The following FKBP5 variants were observed in gnomAD, a reference collection of about 807,000 sequenced individuals.
FKBP5 encodes FKBP prolyl isomerase 5, also known as peptidyl-prolyl cis-trans isomerase FKBP5.
Under a neutral mutation model 50.5 loss-of-function variants are expected in FKBP5, and 23 were observed. The ratio of observed to expected loss-of-function variants is 0.46; its 90% CI spans 0.33 to 0.65. The LOEUF is 0.65. Among genes scored for constraint, FKBP5 ranks in the 30% least tolerant of loss-of-function variants. The probability of loss-of-function intolerance (pLI) is 0.02; values close to 1 mark genes in which losing one functional copy is unlikely to be tolerated. For missense variants in FKBP5, 411 were observed against 553.1 expected (o/e 0.74, Z 2.58); for synonymous variants, 176 against 190.6 (o/e 0.92, Z 0.63).
chr6:35,591,855 ACCT>A (rs1762831456), intron 6 of FKBP5, among the ~76,000 whole-genome samples: 1 of 152,294 alleles, frequency 6.6e-6, no homozygotes, highest in South Asian at 2.1e-4. Flanking sequence ...AAGTTCTGAC[ACCT>A]CCTCTAGAGA....
At chr6:35,721,582 A>G (rs1248268880) in intron 1 of FKBP5, among the ~76,000 whole-genome samples, 1 of 151,930 alleles carries the variant, frequency 6.6e-6, no homozygotes, top group Non-Finnish European at 1.5e-5. Flanking sequence ...CAGCCTCCCG[A>G]GCAGCTGGGA....
chr6:35,681,819 G>A (rs1202639872), intron 1 of FKBP5, among the ~76,000 whole-genome samples: 1 of 152,028 alleles, frequency 6.6e-6, no homozygotes, highest in Admixed American at 6.6e-5. Context: ...AAAGATATTT[G>A]ATATTTATAC....
chr6:35,625,301 T>A (rs946114867), intron 3 of FKBP5, among the ~76,000 whole-genome samples: 4 of 152,020 alleles, frequency 2.6e-5, no homozygotes, highest in Non-Finnish European at 5.9e-5. Context: ...GTCAGGCTGG[T>A]CTCAAACTCC....
intron 5 of FKBP5, among the ~76,000 whole-genome samples, chr6:35,604,579 C>A (rs545279932): frequency 1.2e-4 from 18 of 151,622 alleles, no homozygotes; most frequent in Middle Eastern, 3.4e-3. Context: ...TCCATCAGAT[C>A]TCAATATGGG....
At chr6:35,636,037 T>C (rs554678771) in intron 3 of FKBP5, among the ~76,000 whole-genome samples, 1 of 152,360 alleles carries the variant, frequency 6.6e-6, no homozygotes, top group East Asian at 1.9e-4. Context: ...TTAAAATCTG[T>C]TGGTCTAACT....
At chr6:35,686,703 C>T (rs1333414470) in intron 1 of FKBP5, among the ~76,000 whole-genome samples, 1 of 152,162 alleles carries the variant, frequency 6.6e-6, no homozygotes, top group African/African-American at 2.4e-5. Flanking sequence ...CTTTCCTCTC[C>T]AGACTAATTC....
At position 35,696,356 on chromosome 6, in the gene FKBP5, C is replaced by CA. The variant is rs200004122; in HGVS notation, c.-20+23971dup. Among the ~76,000 whole-genome samples the CA allele has an allele frequency of 8.5e-3, 1,269 of 148,708 alleles. 8 individuals are homozygous for CA. Among genetic ancestry groups the CA allele is most frequent in the Middle Eastern group, 0.022 (6 of 268 alleles). ...ACAACATGGCAAGACACTGGCTCTA[C>CA]AAAAAATTAGCCCAGCATGGTGGCA... is the stretch of plus-strand genomic sequence containing the variant. On this transcript the variant is annotated intron_variant, in intron 2 of 11. Transcript: ENST00000536438.
intron 5 of FKBP5, chr6:35,607,912 C>A: frequency 6.0e-6 from 1 of 166,966 alleles, no homozygotes. Flanking sequence ...GCCACCATGA[C>A]AAAAGCCGCT....
intron 2 of FKBP5, among the ~76,000 whole-genome samples, chr6:35,701,015 A>C (rs1766172605): frequency 6.6e-6 from 1 of 152,128 alleles, no homozygotes; most frequent in Non-Finnish European, 1.5e-5. Flanking sequence ...TGTCCAGTTA[A>C]ATTTTAATTT....
At position 35,573,996 on chromosome 6, in the gene FKBP5, A is replaced by T. The variant is rs1392473108; in HGVS notation, c.*1839T>A. The T allele has an allele frequency of 6.6e-6, 1 of 152,190 alleles. No individual in the cohort carries two copies. Among genetic ancestry groups the T allele is most frequent in the Non-Finnish European group, 1.5e-5 (1 of 68,034 alleles). 9.4% of individuals were successfully genotyped at this position (152,190 alleles called of 1,614,324 possible). ...GTGGCCTTTTTAGTATCAAATTTCA[A>T]TCTTGGCCTCACTGGAACCATGCTC... is the stretch of plus-strand genomic sequence containing the variant. On this transcript the variant is annotated 3_prime_UTR_variant, in exon 11 of 11. Coordinates refer to ENST00000357266, the MANE Select transcript of FKBP5 (RefSeq NM_004117.4).
intron 6 of FKBP5, among the ~76,000 whole-genome samples, chr6:35,595,134 G>T (rs1762946707): frequency 6.6e-6 from 1 of 152,184 alleles, no homozygotes; most frequent in South Asian, 2.1e-4. Flanking sequence ...AGGGTTAAGT[G>T]CCTTGGCCAA....
At chr6:35,602,800 G>A (rs1200103691) in intron 5 of FKBP5, among the ~76,000 whole-genome samples, 2 of 152,112 alleles carry the variant, frequency 1.3e-5, no homozygotes, top group Non-Finnish European at 2.9e-5. Flanking sequence ...AACAGGCGTG[G>A]AACCTGGCTC....
At chr6:35,653,037 G>A (rs958933199) in intron 1 of FKBP5, among the ~76,000 whole-genome samples, 27 of 152,202 alleles carry the variant, frequency 1.8e-4, no homozygotes, top group African/African-American at 6.3e-4. Flanking sequence ...ACCTGAGACA[G>A]TTAACTGATG....
intron 1 of FKBP5, among the ~76,000 whole-genome samples, chr6:35,672,245 A>G (rs963683862): frequency 2.0e-5 from 3 of 152,192 alleles, no homozygotes; most frequent in African/African-American, 2.4e-5. Flanking sequence ...AAAACAAGTT[A>G]CAGATCAGAA....
At chr6:35,644,683 G>T (rs1764582277) in intron 1 of FKBP5, among the ~76,000 whole-genome samples, 1 of 152,198 alleles carries the variant, frequency 6.6e-6, no homozygotes, top group African/African-American at 2.4e-5. Flanking sequence ...CTCTACATGA[G>T]GTGAGCTAGA....
intron 1 of FKBP5, among the ~76,000 whole-genome samples, chr6:35,648,276 A>C (rs1239935251): frequency 1.3e-5 from 2 of 152,022 alleles, no homozygotes; most frequent in East Asian, 3.9e-4. Flanking sequence ...TTTATTTCTT[A>C]TTGTCTCTTA....
upstream of FKBP5, among the ~76,000 whole-genome samples, chr6:35,691,899 T>C (rs1038661681): frequency 2.6e-5 from 4 of 152,114 alleles, no homozygotes; most frequent in Non-Finnish European, 4.4e-5. Flanking sequence ...GCCGTGTACT[T>C]AGAAGAGCCC....
intron 1 of FKBP5, among the ~76,000 whole-genome samples, chr6:35,723,606 G>A (rs891745798): frequency 4.6e-5 from 7 of 152,236 alleles, no homozygotes; most frequent in African/African-American, 1.4e-4. Flanking sequence ...AACAAGGAGA[G>A]AGAAATTCAG....
At chr6:35,675,357 G>A (rs543590591) in intron 1 of FKBP5, among the ~76,000 whole-genome samples, 1 of 152,326 alleles carries the variant, frequency 6.6e-6, no homozygotes, top group South Asian at 2.1e-4. Flanking sequence ...GGATCACAAA[G>A]TCAGGAGTTT....
Sources: allele counts gnomAD v4.1 joint callset (sites outside exome capture counted in the v4.1 genomes callset), GRCh38; gene constraint gnomAD v4.1.1; transcripts MANE v1.5; gene names NCBI Gene and HGNC (gene_info 2026-07-23, HGNC 2026-07-21).